Variants in SKA3 observed in about 807,000 individuals in gnomAD.
The protein encoded by SKA3 is spindle and kinetochore-associated protein 3.
SKA3 carries 39 observed loss-of-function variants against 44.2 expected under a neutral mutation model. That is an observed-to-expected ratio of 0.88 (90% CI 0.68 to 1.15). The LOEUF is 1.15. SKA3 is among the 50% of genes most tolerant of loss of function. SKA3 has a pLI of 0.00. For missense variants in SKA3, 511 were observed against 485.8 expected (o/e 1.05, Z -0.49); for synonymous variants, 192 against 172.0 (o/e 1.12, Z -0.91).
At chr13:21,162,380 T>TC (rs1050694382) in intron 4 of SKA3, among the ~76,000 whole-genome samples, 1 of 152,132 alleles carries the variant, frequency 6.6e-6, no homozygotes, top group African/African-American at 2.4e-5. Flanking sequence ...TTTTTTTTTT[T>TC]TTCTGAGACA....
chr13:21,168,842 A>G (rs1870880109), intron 3 of SKA3, among the ~76,000 whole-genome samples: 1 of 152,156 alleles, frequency 6.6e-6, no homozygotes, highest in Non-Finnish European at 1.5e-5. Context: ...TGTTATTTCA[A>G]TTGTCCCTTT....
At chr13:21,164,989 T>C (rs1392011002) in intron 4 of SKA3, among the ~76,000 whole-genome samples, 1 of 152,190 alleles carries the variant, frequency 6.6e-6, no homozygotes, top group East Asian at 1.9e-4. Context: ...GTAATTGCAG[T>C]ATACGCTTTC....
At chr13:21,160,502 A>C (rs1477520870) in intron 5 of SKA3, among the ~76,000 whole-genome samples, 1 of 150,532 alleles carries the variant, frequency 6.6e-6, no homozygotes, top group Non-Finnish European at 1.5e-5. Flanking sequence ...CATCGAGGCA[A>C]CCTTAAAAAA....
intron 4 of SKA3, among the ~76,000 whole-genome samples, chr13:21,166,785 T>C (rs1239218168): frequency 6.6e-6 from 1 of 152,198 alleles, no homozygotes; most frequent in East Asian, 1.9e-4. Flanking sequence ...TAGTTCTTAA[T>C]GCTCTTATTT....
At chr13:21,167,316 A>G (rs1359289602) in intron 4 of SKA3, among the ~76,000 whole-genome samples, 3 of 62,896 alleles carry the variant, frequency 4.8e-5, no homozygotes, top group Admixed American at 2.2e-4. Context: ...TTACCCCTTT[A>G]ATCTTATTTC....
At chr13:21,155,513 T>C (rs867135309) in intron 8 of SKA3, among the ~76,000 whole-genome samples, 180 bp downstream of exon 8, 6 of 152,024 alleles carry the variant, frequency 3.9e-5, no homozygotes, top group Admixed American at 1.3e-4. Context: ...TTCAAGCGAT[T>C]CTCCTGCCTC....
chr13:21,156,210 C>T (rs1870113352), intron 7 of SKA3, among the ~76,000 whole-genome samples: 1 of 146,548 alleles, frequency 6.8e-6, no homozygotes, highest in Non-Finnish European at 1.5e-5. Flanking sequence ...AAAAGACATG[C>T]TAACTGCAAT....
intron 1 of SKA3, among the ~76,000 whole-genome samples, chr13:21,174,378 A>G (rs79015331): frequency 0.92 from 139,436 of 152,178 alleles, 64,196 homozygotes; most frequent in East Asian, 1. Context: ...AGAAAATGTG[A>G]CACATATACA....
intron 4 of SKA3, among the ~76,000 whole-genome samples, chr13:21,162,150 C>A (rs1246651803): frequency 2.6e-5 from 4 of 152,056 alleles, no homozygotes; most frequent in African/African-American, 9.7e-5. Flanking sequence ...AACCAGTGTA[C>A]ACATATAGAT....
chr13:21,164,311 A>T (rs1022898258), intron 4 of SKA3, among the ~76,000 whole-genome samples: 2 of 152,174 alleles, frequency 1.3e-5, no homozygotes, highest in Non-Finnish European at 2.9e-5. Flanking sequence ...CTTTGATGTC[A>T]TGCCATAATT....
chr13:21,161,014 G>A (rs1870407861), intron 5 of SKA3, among the ~76,000 whole-genome samples: 2 of 152,066 alleles, frequency 1.3e-5, no homozygotes, highest in Admixed American at 1.3e-4. Context: ...TCCCTGCTAC[G>A]TGGGGGCTGA....
Position 21,155,072 on chromosome 13 carries a change from T to A in SKA3, c.*78A>T, listed in dbSNP as rs758558892. On this transcript the variant is annotated 3_prime_UTR_variant, in exon 9 of 9. Transcript: ENST00000314759. The stretch of plus-strand genomic sequence containing the variant: ...TTAAAGGGGGACAGAGGCAGGGCAA[T>A]GTGAATGTTAAAATCGGTCCAGCTC... 1.9e-6 allele frequency: 3 copies of A among 1,601,996 alleles called. No homozygotes were observed. Among genetic ancestry groups the A allele is most frequent in the Non-Finnish European group, 2.6e-6 (3 of 1,172,496 alleles).
intron 3 of SKA3, among the ~76,000 whole-genome samples, chr13:21,170,800 C>T (rs1282502421): frequency 2.6e-5 from 4 of 152,162 alleles, no homozygotes; most frequent in African/African-American, 9.7e-5. Context: ...CCCAAGGTCA[C>T]GCATGTAATA....
In SKA3 at chr13:21,157,973, G is replaced by T. The variant is rs1194164614; in HGVS notation, c.1068C>A (p.Leu356=). ...SPTISSYENL[L]RTPTPPEVTK... ...TTACTTCCGGAGGTGTAGGTGTTCTGAGCAGATTCTCATAAGAAGAAATCG... is the reference window on the plus strand; with the variant it reads ...TTACTTCCGGAGGTGTAGGTGTTCTTAGCAGATTCTCATAAGAAGAAATCG... The change falls in exon 7 of 9, where the codon CTC becomes CTA. Residue 356 remains leucine, a synonymous_variant. Transcript: ENST00000314759. The T allele has an allele frequency of 1.2e-6, 2 of 1,612,592 alleles. No homozygotes were observed. The highest frequency in any genetic ancestry group is 1.7e-5 in the Admixed American group (1 of 59,940).
chr13:21,164,973 A>G (rs558461172), intron 4 of SKA3, among the ~76,000 whole-genome samples: 2 of 152,202 alleles, frequency 1.3e-5, no homozygotes, highest in African/African-American at 4.8e-5. Context: ...AATTACAAAC[A>G]TAATGGTAAT....
At chr13:21,160,296 AAGG>A in intron 5 of SKA3, among the ~76,000 whole-genome samples, 1 of 152,322 alleles carries the variant, frequency 6.6e-6, no homozygotes, top group East Asian at 1.9e-4. Flanking sequence ...ACTTCTGACA[AAGG>A]AGGAGGAAGA....
chr13:21,158,553 G>A (rs891095811), intron 6 of SKA3, among the ~76,000 whole-genome samples: 5 of 152,132 alleles, frequency 3.3e-5, no homozygotes, highest in African/African-American at 1.2e-4. Flanking sequence ...ACCCAGAGGC[G>A]GAGGTTGCAG....
chr13:21,162,674 C>T (rs572744721), intron 4 of SKA3, among the ~76,000 whole-genome samples: 11 of 152,104 alleles, frequency 7.2e-5, no homozygotes, highest in Non-Finnish European at 1.3e-4. Flanking sequence ...AGCCACTACA[C>T]CTGGTCATTG....
rs950991412 is a variant in SKA3 at position 21,175,370 on chromosome 13, G to A, written c.103+1005C>T. Among the ~76,000 whole-genome samples the A allele has an allele frequency of 1.3e-5, 2 of 151,248 alleles. 1 individual carries two copies. The highest frequency in any genetic ancestry group is 4.9e-5 in the African/African-American group (2 of 40,742). On this transcript the variant is annotated intron_variant, in intron 1 of 8. Coordinates refer to ENST00000314759, the MANE Select transcript of SKA3 (RefSeq NM_145061.6). ...CGGCTCACTGCAAGTTCCGCCTCCC[G>A]GGTTCACGCCATTCTCCTACCTCAG...
Sources: allele counts gnomAD v4.1 joint callset (sites outside exome capture counted in the v4.1 genomes callset), GRCh38; gene constraint gnomAD v4.1.1; transcripts MANE v1.5; gene names NCBI Gene and HGNC (gene_info 2026-07-23, HGNC 2026-07-21).